Variants in PKHD1 observed in about 807,000 individuals in gnomAD.
PKHD1 encodes PKHD1 ciliary IPT domain containing fibrocystin/polyductin.
Under a neutral mutation model 412.0 loss-of-function variants are expected in PKHD1, and 291 were observed. The observed-to-expected ratio is 0.71, with a 90% CI of 0.64 to 0.78. The LOEUF is 0.78. Among genes scored for constraint, PKHD1 ranks in the 30% least tolerant of loss-of-function variants. PKHD1 has a pLI of 0.00. For missense variants in PKHD1, 4,825 were observed against 4,950.7 expected, an observed-to-expected ratio of 0.97 and a Z score of 0.76; for synonymous variants, 1,777 against 1,821.5, an observed-to-expected ratio of 0.98 and a Z score of 0.62.
At chr6:51,922,897 T>C (rs770335187) in intron 37 of PKHD1, among the ~76,000 whole-genome samples, 1 of 152,192 alleles carries the variant, frequency 6.6e-6, no homozygotes, top group Non-Finnish European at 1.5e-5. Context: ...TGCACTTCCC[T>C]GGTGAGGCAA....
intron 64 of PKHD1, among the ~76,000 whole-genome samples, chr6:51,634,868 G>A (rs1768335209): frequency 6.6e-6 from 1 of 152,104 alleles, no homozygotes; most frequent in Admixed American, 6.5e-5. Context: ...CAGGCAAAAG[G>A]CCCTTGAGAA....
chr6:51,776,502 G>A (rs1791049667), intron 53 of PKHD1, among the ~76,000 whole-genome samples: 1 of 151,956 alleles, frequency 6.6e-6, no homozygotes, highest in East Asian at 1.9e-4. Flanking sequence ...CATTATTATG[G>A]CAAAACCTGC....
intron 10 of PKHD1, 53 bp from the exon 11 acceptor site, chr6:52,069,580 T>A: frequency 7.6e-7 from 1 of 1,324,104 alleles, no homozygotes; most frequent in Admixed American, 1.7e-5. Flanking sequence ...TGGGATTGCA[T>A]TTTTTTTAGT....
At chr6:51,677,921 A>G (rs1776101681) in intron 60 of PKHD1, among the ~76,000 whole-genome samples, 2 of 152,296 alleles carry the variant, frequency 1.3e-5, no homozygotes, top group South Asian at 4.1e-4. Context: ...CAAATTCAAT[A>G]GACTATTTTA....
At chr6:51,842,081 T>G (rs1038112591) in intron 50 of PKHD1, among the ~76,000 whole-genome samples, 1 of 152,210 alleles carries the variant, frequency 6.6e-6, no homozygotes, top group African/African-American at 2.4e-5. Flanking sequence ...CTCTTGCCCT[T>G]TATTCGTGGT....
chr6:51,662,494 GA>G (rs541450073), intron 60 of PKHD1, among the ~76,000 whole-genome samples: 71 of 151,472 alleles, frequency 4.7e-4, no homozygotes, highest in African/African-American at 1.4e-3. Context: ...ATAAAAGCTG[GA>G]AAAAAATAAC....
At chr6:51,631,921 C>T (rs1004760353) in intron 65 of PKHD1, among the ~76,000 whole-genome samples, 5 of 150,014 alleles carry the variant, frequency 3.3e-5, no homozygotes, top group East Asian at 1.9e-4. Context: ...GACATTTCCC[C>T]GGATTCTTTT....
rs1277455950 is a variant in PKHD1, at chr6:51,804,459, G to C, written c.8303-13086C>G. 5.0e-5 allele frequency among the ~76,000 whole-genome samples: 7 copies of C among 140,048 alleles called. No homozygotes were observed. The East Asian group carries it at 1.5e-3, about 31-fold the overall frequency. The allele number at this position is 140,048 out of a possible 152,430, so 91.9% of individuals were successfully genotyped here. ...AAAAGGCATTCAATTATCAGCTATT[G>C]TTTTCATATGCCCAACATGTAGCTT... On this transcript the variant is annotated intron_variant, in intron 52 of 66. Coordinates refer to ENST00000371117, the MANE Select transcript of PKHD1 (RefSeq NM_138694.4).
chr6:51,677,624 CTA>C (rs1171611902), intron 60 of PKHD1, among the ~76,000 whole-genome samples: 1 of 152,138 alleles, frequency 6.6e-6, no homozygotes, highest in Non-Finnish European at 1.5e-5. Context: ...ATAAAACCAG[CTA>C]TTGCATGAAG....
In PKHD1 at chr6:52,055,661, G is replaced by T; in HGVS notation, c.1762C>A (p.Leu588Ile). The T allele has an allele frequency of 1.2e-6, 2 of 1,613,708 alleles. No homozygotes were observed. The highest frequency in any genetic ancestry group is 1.7e-6 in the Non-Finnish European group (2 of 1,179,822). The change falls in exon 19 of 67, where the codon CTC becomes ATC. Residue 588 changes from leucine (L) to isoleucine (I), a missense_variant. Leu to Ile is a conservative substitution (Grantham distance 5). Transcript: ENST00000371117. The part of the protein sequence containing the change: ...GTEPFCGRFS[L>I]RQPRHLVLTP... Reference sequence around the variant, plus strand: ...AGGACAAGGTGTCGAGGCTGACGGAGGCTGAACCTGCCACAGAAGGGCTCC... The same window carrying T: ...AGGACAAGGTGTCGAGGCTGACGGATGCTGAACCTGCCACAGAAGGGCTCC...
At chr6:51,963,790 G>A (rs1792417381) in intron 35 of PKHD1, among the ~76,000 whole-genome samples, 1 of 152,030 alleles carries the variant, frequency 6.6e-6, no homozygotes, top group Non-Finnish European at 1.5e-5. Flanking sequence ...TGTCTCTGTT[G>A]ATACCAACAT....
chr6:51,896,898 G>A (rs1201852229), intron 43 of PKHD1, among the ~76,000 whole-genome samples: 5 of 152,184 alleles, frequency 3.3e-5, no homozygotes, highest in Non-Finnish European at 7.3e-5. Flanking sequence ...CGATCAACTG[G>A]AAGAAAGGGT....
At chr6:51,666,132 T>A (rs562267396) in intron 60 of PKHD1, among the ~76,000 whole-genome samples, 1 of 148,212 alleles carries the variant, frequency 6.7e-6, no homozygotes, top group East Asian at 2.1e-4. Context: ...AGTCTTTCTG[T>A]TACTTTAGTG....
intron 41 of PKHD1, 34 bp downstream of exon 41, chr6:51,906,181 G>C (rs1287755714): frequency 6.3e-7 from 1 of 1,588,594 alleles, no homozygotes; most frequent in Non-Finnish European, 8.6e-7. Context: ...TCCTACACAA[G>C]AATGCAGAAA....
intron 65 of PKHD1, among the ~76,000 whole-genome samples, chr6:51,629,304 C>T (rs190138586): frequency 1.3e-5 from 2 of 152,098 alleles, no homozygotes; most frequent in Admixed American, 1.3e-4. Flanking sequence ...AAAACATTCA[C>T]AAACTATGCA....
chr6:52,001,563 G>A (rs770693497), intron 35 of PKHD1, among the ~76,000 whole-genome samples: 4 of 151,788 alleles, frequency 2.6e-5, no homozygotes, highest in Non-Finnish European at 5.9e-5. Context: ...CTGGGTAGCT[G>A]GGACTACAGG....
intron 42 of PKHD1, 70 bp from the exon 43 acceptor site, chr6:51,903,797 C>T: frequency 1.8e-6 from 2 of 1,116,372 alleles, no homozygotes; most frequent in Admixed American, 1.7e-5. Context: ...ACCCTTGATT[C>T]TACTAATACA....
intron 52 of PKHD1, among the ~76,000 whole-genome samples, chr6:51,808,823 A>C (rs1028513331): frequency 6.6e-6 from 1 of 152,112 alleles, no homozygotes; most frequent in African/African-American, 2.4e-5. Context: ...ATGATGTTTC[A>C]ATTTATTCTG....
chr6:52,036,146 G>T (rs1803915594), intron 27 of PKHD1, among the ~76,000 whole-genome samples: 10 of 152,186 alleles, frequency 6.6e-5, no homozygotes. Flanking sequence ...GCCACAGATT[G>T]CTCAGCTACT....
Sources: allele counts gnomAD v4.1 joint callset (sites outside exome capture counted in the v4.1 genomes callset), GRCh38; gene constraint gnomAD v4.1.1; transcripts MANE v1.5; gene names NCBI Gene and HGNC (gene_info 2026-07-23, HGNC 2026-07-21).